Variants in HERC1 observed in about 807,000 individuals in gnomAD.
HERC1 encodes probable E3 ubiquitin-protein ligase HERC1.
Under a neutral mutation model 554.3 loss-of-function variants are expected in HERC1, and 160 were observed. The observed-to-expected ratio is 0.29, with a 90% CI of 0.25 to 0.33. The LOEUF is 0.33. HERC1 is among the 10% of genes least tolerant of loss of function. The probability of loss-of-function intolerance (pLI) is 1.00; values close to 1 mark genes in which losing one functional copy is unlikely to be tolerated. For missense variants in HERC1, 4,919 were observed against 5,918.5 expected (o/e 0.83, Z 5.54); for synonymous variants, 2,175 against 2,131.7 (o/e 1.02, Z -0.56).
chr15:63,664,546 T>C lies in HERC1; in HGVS notation c.8604A>G (p.Pro2868=). The change falls in exon 43 of 78, where the codon CCA becomes CCG. Residue 2868 remains proline (P), a synonymous_variant. Transcript: ENST00000443617. The part of the protein sequence containing the change: ...HTENAASGSG[P]SARGRSAVTR... The stretch of plus-strand genomic sequence containing the variant: ...TTACCGCTGAGCGACCTCTAGCTGA[T>C]GGTCCACTTCCAGAAGCTGCATTCT... The C allele has an allele frequency of 6.2e-7, 1 of 1,613,750 alleles. No individual in the cohort carries two copies. The highest frequency in any genetic ancestry group is 8.5e-7 in the Non-Finnish European group (1 of 1,179,698).
rs767843368 is a variant in HERC1, at chr15:63,609,153, G to C, written c.14514C>G (p.Arg4838=). 4.3e-6 allele frequency: 7 copies of C among 1,613,990 alleles called. No homozygotes were observed. Among genetic ancestry groups the C allele is most frequent in the Non-Finnish European group, 5.9e-6 (7 of 1,179,882 alleles). ...ERLRYAINNC[R]SIDMDNYMLS... is the part of the protein sequence containing the mutation. ...GCATGTAGTTGTCCATGTCGATTGA[G>C]CGGCAGTTGTTGATGGCATAGCGCA... Residue 4838 remains arginine, a synonymous_variant, in exon 78 of 78, where the codon CGC becomes CGG. Transcript: ENST00000443617.
At chr15:63,644,873 C>T in intron 57 of HERC1, 119 bp downstream of exon 57, 2 of 679,010 alleles carry the variant, frequency 2.9e-6, no homozygotes, top group Non-Finnish European at 5.1e-6. Context: ...CTTATATTTC[C>T]CAATGGATCT....
At chr15:63,647,306 C>G (rs2069406510) in intron 55 of HERC1, among the ~76,000 whole-genome samples, 1 of 151,114 alleles carries the variant, frequency 6.6e-6, no homozygotes, top group Non-Finnish European at 1.5e-5. Context: ...GAGATATCAT[C>G]TCACCCCAGT....
intron 26 of HERC1, among the ~76,000 whole-genome samples, chr15:63,697,578 C>T (rs1257555213): frequency 1.3e-5 from 2 of 151,800 alleles, no homozygotes; most frequent in African/African-American, 4.8e-5. Context: ...CCTCAGCCTC[C>T]CAAGTAGCTG....
chr15:63,639,163 G>A (rs771048235), intron 61 of HERC1, among the ~76,000 whole-genome samples: 28 of 152,112 alleles, frequency 1.8e-4, no homozygotes, highest in Non-Finnish European at 3.4e-4. Flanking sequence ...GGGCCAAATG[G>A]GCTTAGAAGG....
chr15:63,815,997 C>T (rs1361934034), intron 1 of HERC1, among the ~76,000 whole-genome samples: 3 of 152,048 alleles, frequency 2.0e-5, no homozygotes, highest in Admixed American at 6.5e-5. Context: ...ACCATCCCCA[C>T]GATTCATTTA....
chr15:63,743,085 C>A (rs555049093), intron 12 of HERC1, among the ~76,000 whole-genome samples: 1 of 151,980 alleles, frequency 6.6e-6, no homozygotes, highest in African/African-American at 2.4e-5. Flanking sequence ...TTGTGGAATT[C>A]ACAAGTGAAG....
chr15:63,822,282 G>A (rs926450224), intron 1 of HERC1, among the ~76,000 whole-genome samples: 1 of 152,142 alleles, frequency 6.6e-6, no homozygotes, highest in African/African-American at 2.4e-5. Flanking sequence ...TTTAATTTCT[G>A]TATTTTAAAT....
At chr15:63,824,878 T>A (rs1596332626) in intron 1 of HERC1, among the ~76,000 whole-genome samples, 1 of 148,278 alleles carries the variant, frequency 6.7e-6, no homozygotes, top group African/African-American at 2.5e-5. Flanking sequence ...CTCTTCTATA[T>A]GTGGAATCTT....
At position 63,620,204 on chromosome 15, in the gene HERC1, C is replaced by T. The variant is rs896799036; in HGVS notation, c.13688+2611G>A. Among the ~76,000 whole-genome samples, 717 of 152,148 alleles carry T rather than the reference C, an allele frequency of 4.7e-3. 10 individuals carry two copies. The highest frequency in any genetic ancestry group is 0.017 in the African/African-American group (689 of 41,486). Reference sequence around the variant, plus strand: ...TTCTGGTATGTTGTGTCTTTGTTCTCGTTGGTTTCAAAGAACATCTTCATT... The same window carrying T: ...TTCTGGTATGTTGTGTCTTTGTTCTTGTTGGTTTCAAAGAACATCTTCATT... On this transcript the variant is annotated intron_variant, in intron 74 of 77. Coordinates refer to ENST00000443617, the MANE Select transcript of HERC1 (RefSeq NM_003922.4).
intron 3 of HERC1, among the ~76,000 whole-genome samples, chr15:63,760,009 G>A (rs143749414): frequency 0.014 from 2,056 of 152,266 alleles, 23 homozygotes; most frequent in East Asian, 0.026. Context: ...TCATCTACAG[G>A]TCTATCACAG....
At chr15:63,634,371 G>A (rs2068691038) in intron 66 of HERC1, among the ~76,000 whole-genome samples, 1 of 152,188 alleles carries the variant, frequency 6.6e-6, no homozygotes, top group Non-Finnish European at 1.5e-5. Context: ...AGGAGCAGTA[G>A]CTACCAGTGA....
rs1367286344 is a variant in HERC1, at chr15:63,655,886, G to T, written c.9940C>A (p.Pro3314Thr). 6.2e-7 allele frequency: 1 copy of T among 1,612,252 alleles called. No homozygotes were observed. Among genetic ancestry groups the T allele is most frequent in the Non-Finnish European group, 8.5e-7 (1 of 1,179,252 alleles). ...TCAGCAATTCCTCGGAGAAAGCTGG[G>T]TAGAAACTTTCGCTGAATTGAGTCA... The part of the protein sequence containing the change: ...VDDSIQRKFL[P>T]SFLRGIAEEN... Residue 3314 changes from proline (P) to threonine (T), a missense_variant, in exon 50 of 78, where the codon CCC (proline) becomes ACC (threonine). Around this residue, in one of 11 missense-constraint regions of HERC1, gnomAD observed 1,963 missense variants for 2,228.6 expected, o/e 0.88. Coordinates refer to ENST00000443617, the MANE Select transcript of HERC1 (RefSeq NM_003922.4).
chr15:63,675,165 A>T (rs2071132645), intron 37 of HERC1, 48 bp from the exon 38 acceptor site: 1 of 1,482,536 alleles, frequency 6.7e-7, no homozygotes, highest in Middle Eastern at 1.8e-4. Flanking sequence ...TGAGGGAAAG[A>T]CGGGAGGAAG....
rs758777463 is a variant in HERC1 at position 63,694,460 on chromosome 15, G to T, written c.5332C>A (p.Leu1778Met). 16 of 1,614,014 alleles carry T rather than the reference G, an allele frequency of 9.9e-6. No individual in the cohort carries two copies. The highest frequency in any genetic ancestry group is 1.4e-5 in the Non-Finnish European group (16 of 1,179,890). ...VDVSLAISTG[L>M]LNVLSQLCGT... ...CACAACTGTGACAATACGTTTAGCA[G>T]ACCAGTGGAAATTGCCAAAGAAACA... The change falls in exon 29 of 78, where the codon CTG (leucine) becomes ATG (methionine). Residue 1778 changes from leucine to methionine, a missense_variant. Leu to Met is a conservative substitution (Grantham distance 15). Coordinates refer to ENST00000443617, the MANE Select transcript of HERC1 (RefSeq NM_003922.4). This position sits in a 1 kb window ranked among gnomAD's most constrained non-coding sequence, Gnocchi z 4.3.
chr15:63,789,083 T>G (rs1310344443), intron 1 of HERC1, among the ~76,000 whole-genome samples: 2 of 102,258 alleles, frequency 2.0e-5, no homozygotes, highest in African/African-American at 4.5e-5. Flanking sequence ...AAAAGGTTTT[T>G]TTTTTTTTTT....
intron 1 of HERC1, among the ~76,000 whole-genome samples, chr15:63,828,223 C>G (rs1215517625): frequency 6.6e-6 from 1 of 151,982 alleles, no homozygotes; most frequent in Non-Finnish European, 1.5e-5. Flanking sequence ...AGGGACAAAC[C>G]AGAAACTAAA....
At position 63,712,908 on chromosome 15, in the gene HERC1, T is replaced by C; in HGVS notation, c.4464-13A>G. Reference sequence around the variant, plus strand: ...AAGACTTTCACTCCTGTCTCACATGTACAAAAAAAAAAGTTTTTTGATTTA... The same window carrying C: ...AAGACTTTCACTCCTGTCTCACATGCACAAAAAAAAAAGTTTTTTGATTTA... On this transcript the variant is annotated splice_polypyrimidine_tract_variant and intron_variant, in intron 23 of 77. Transcript: ENST00000443617. 6.3e-7 allele frequency: 1 copy of C among 1,596,486 alleles called. No individual in the cohort carries two copies. Among genetic ancestry groups the C allele is most frequent in the South Asian group, 1.1e-5 (1 of 88,064 alleles).
In HERC1 at chr15:63,655,833, G is replaced by C. The variant is rs1307226680; in HGVS notation, c.9993C>G (p.Asn3331Lys). Residue 3331 changes from asparagine (N) to lysine (K), a missense_variant, in exon 50 of 78, where the codon AAC (asparagine) becomes AAG (lysine). Asn to Lys is a moderately conservative substitution (Grantham distance 94). Around this residue, in one of 11 missense-constraint regions of HERC1, gnomAD observed 1,963 missense variants for 2,228.6 expected, o/e 0.88. Transcript: ENST00000443617. Reference protein sequence around the residue: ...AEENKLVTSPNFVVTQALVAL... With the variant: ...AEENKLVTSPKFVVTQALVAL... Reference sequence around the variant, plus strand: ...CCACAAGGGCCTGTGTTACAACAAAGTTTGGGGAGGTCACAAGCTTGTTCT... The same window carrying C: ...CCACAAGGGCCTGTGTTACAACAAACTTTGGGGAGGTCACAAGCTTGTTCT... The C allele has an allele frequency of 3.1e-6, 5 of 1,602,494 alleles. No homozygotes were observed. The Admixed American group carries it at 8.6e-5, about 27-fold the overall frequency.
Sources: allele counts gnomAD v4.1 joint callset (sites outside exome capture counted in the v4.1 genomes callset), GRCh38; gene constraint gnomAD v4.1.1; regional missense constraint gnomAD v4.1.1; non-coding constraint Gnocchi (gnomAD v3.1); transcripts MANE v1.5; gene names NCBI Gene and HGNC (gene_info 2026-07-23, HGNC 2026-07-21).